Variants in SAXO1 observed in about 807,000 individuals in gnomAD.
The protein encoded by SAXO1 is stabilizer of axonemal microtubules 1.
Under a neutral mutation model 17.5 loss-of-function variants are expected in SAXO1, and 21 were observed. That is an observed-to-expected ratio of 1.20 (90% CI 0.85 to 1.72). SAXO1 has a LOEUF of 1.72. SAXO1 is among the 40% of genes most tolerant of loss of function. The probability of loss-of-function intolerance (pLI) is 0.00; values close to 1 mark genes in which losing one functional copy is unlikely to be tolerated. For synonymous variants in SAXO1, 274 were observed against 216.5 expected (o/e 1.27, Z -2.33); for missense variants, 843 against 596.0 (o/e 1.41, Z -4.32).
intron 1 of SAXO1, among the ~76,000 whole-genome samples, chr9:18,999,001 A>G (rs934682613): frequency 2.6e-5 from 4 of 152,250 alleles, no homozygotes; most frequent in African/African-American, 9.6e-5. Context: ...CTGCAAAAAC[A>G]TGCCAAATGG....
chr9:18,949,786 A>T (rs1468834476), intron 2 of SAXO1, among the ~76,000 whole-genome samples: 1 of 152,202 alleles, frequency 6.6e-6, no homozygotes, highest in Non-Finnish European at 1.5e-5. Flanking sequence ...GCACAAAATC[A>T]TGAAGCAAAA....
chr9:19,010,759 G>A (rs538986968), intron 1 of SAXO1, among the ~76,000 whole-genome samples: 127 of 152,274 alleles, frequency 8.3e-4, no homozygotes, highest in Non-Finnish European at 1.5e-3. Flanking sequence ...CAGTATTCTA[G>A]GAAATTTTCT....
intron 1 of SAXO1, among the ~76,000 whole-genome samples, chr9:18,997,913 A>G (rs1427421124): frequency 1.3e-5 from 2 of 152,228 alleles, no homozygotes; most frequent in African/African-American, 4.8e-5. Flanking sequence ...AGAAAGGAAT[A>G]GCATCAACAT....
At chr9:18,988,983 C>T (rs1354868015) in intron 1 of SAXO1, among the ~76,000 whole-genome samples, 2 of 152,114 alleles carry the variant, frequency 1.3e-5, no homozygotes, top group Admixed American at 1.3e-4. Context: ...GTGTTGTGAA[C>T]TTTCCCCTAT....
At chr9:18,970,432 C>T in intron 1 of SAXO1, among the ~76,000 whole-genome samples, 1 of 152,246 alleles carries the variant, frequency 6.6e-6, no homozygotes, top group Admixed American at 6.5e-5. Context: ...CAACTGTTAC[C>T]TTTGAGGTCA....
chr9:18,949,564 G>T (rs1213057357), intron 2 of SAXO1, among the ~76,000 whole-genome samples: 1 of 152,148 alleles, frequency 6.6e-6, no homozygotes, highest in Non-Finnish European at 1.5e-5. Context: ...CTAAGCTCAG[G>T]AATCCTTTGG....
chr9:19,001,254 T>C (rs1336563383), intron 1 of SAXO1, among the ~76,000 whole-genome samples: 1 of 152,156 alleles, frequency 6.6e-6, no homozygotes, highest in African/African-American at 2.4e-5. Context: ...CAGACCACAG[T>C]GCAATCAAAT....
intron 2 of SAXO1, among the ~76,000 whole-genome samples, chr9:18,946,845 G>A (rs1048160962): frequency 3.3e-5 from 5 of 152,112 alleles, no homozygotes; most frequent in African/African-American, 1.2e-4. Flanking sequence ...TTCTGAAACT[G>A]CAAAATATGT....
At chr9:19,021,665 C>G (rs931184960) in intron 1 of SAXO1, among the ~76,000 whole-genome samples, 2 of 152,214 alleles carry the variant, frequency 1.3e-5, no homozygotes, top group East Asian at 1.9e-4. Flanking sequence ...GCAATCCCAA[C>G]AGTCATAGTG....
chr9:18,965,921 T>G (rs535352073), intron 1 of SAXO1, among the ~76,000 whole-genome samples: 1 of 152,234 alleles, frequency 6.6e-6, no homozygotes, highest in Non-Finnish European at 1.5e-5. Flanking sequence ...CTTCAGGAGC[T>G]GTTGTAAGGC....
chr9:19,042,132 G>T (rs1384384969), intron 1 of SAXO1, among the ~76,000 whole-genome samples: 2 of 152,086 alleles, frequency 1.3e-5, no homozygotes, highest in African/African-American at 2.4e-5. Flanking sequence ...ATGGGCAAAA[G>T]ATCTGAATAG....
intron 1 of SAXO1, 97 bp downstream of exon 1, chr9:19,032,774 T>G: frequency 7.2e-7 from 1 of 1,383,562 alleles, no homozygotes; most frequent in Non-Finnish European, 9.9e-7. Flanking sequence ...GAACCCACCG[T>G]GATGCCGCCT....
chr9:19,042,083 C>G (rs1056162570), intron 1 of SAXO1, among the ~76,000 whole-genome samples: 5 of 145,320 alleles, frequency 3.4e-5, no homozygotes, highest in Non-Finnish European at 7.5e-5. Context: ...GGAGCTCAAA[C>G]AACTCTATGG....
At chr9:19,043,203 A>G (rs1836119901) in intron 1 of SAXO1, among the ~76,000 whole-genome samples, 1 of 152,118 alleles carries the variant, frequency 6.6e-6, no homozygotes, top group African/African-American at 2.4e-5. Flanking sequence ...CATATACACT[A>G]TTCAGCCACA....
In SAXO1 at chr9:18,988,166, G is replaced by A. The variant is rs1436422998; in HGVS notation, c.39-37229C>T. On this transcript the variant is annotated intron_variant, in intron 1 of 3. Transcript: ENST00000380534. The stretch of plus-strand genomic sequence containing the variant: ...AGTCACAGATTTTAGTTTGAGTTTT[G>A]CAACTTCCTAGCCACAAAGTGGCTC... Among the ~76,000 whole-genome samples the A allele has an allele frequency of 2.0e-5, 3 of 152,180 alleles. No individual in the cohort carries two copies. The East Asian group carries it at 5.8e-4, about 29-fold the overall frequency.
chr9:19,043,595 T>C (rs1009037289), intron 1 of SAXO1, among the ~76,000 whole-genome samples: 3 of 151,956 alleles, frequency 2.0e-5, no homozygotes, highest in African/African-American at 7.3e-5. Flanking sequence ...AGTGGGATCC[T>C]GTCTCTACAA....
intron 3 of SAXO1, among the ~76,000 whole-genome samples, chr9:18,939,740 G>A (rs552294379): frequency 5.3e-5 from 8 of 152,256 alleles, no homozygotes; most frequent in African/African-American, 9.6e-5. Flanking sequence ...GGTTTTTATC[G>A]TAATAGGATC....
intron 1 of SAXO1, among the ~76,000 whole-genome samples, chr9:18,996,866 G>C (rs1449870409): frequency 6.6e-6 from 1 of 151,902 alleles, no homozygotes. Context: ...AAAAAACATA[G>C]TAAAAGGCAT....
intron 3 of SAXO1, among the ~76,000 whole-genome samples, chr9:18,936,176 C>T (rs1341002544): frequency 6.6e-6 from 1 of 152,156 alleles, no homozygotes; most frequent in African/African-American, 2.4e-5. Context: ...CCTCATCCAC[C>T]AGCACGCTCT....
Sources: gnomAD v4.1 joint callset for allele counts (sites outside exome capture counted in the v4.1 genomes callset) on GRCh38, gnomAD v4.1.1 for gene constraint, MANE v1.5 for transcripts, NCBI Gene and HGNC (gene_info 2026-07-23, HGNC 2026-07-21) for gene names.